Variants in FBLN2 observed in about 807,000 individuals in gnomAD.
FBLN2 encodes the protein fibulin 2, also known as fibulin-2.
Under a neutral mutation model 123.7 loss-of-function variants are expected in FBLN2, and 81 were observed. The ratio of observed to expected loss-of-function variants is 0.65; its 90% CI spans 0.55 to 0.79. FBLN2 has a LOEUF of 0.79. Among genes scored for constraint, FBLN2 ranks in the 30% least tolerant of loss-of-function variants. The pLI is 0.00. For synonymous variants in FBLN2, 699 were observed against 701.4 expected (o/e 1.00, Z 0.05); for missense variants, 1,603 against 1,681.3 (o/e 0.95, Z 0.81).
rs1706517867 is a variant in FBLN2 at position 13,637,508 on chromosome 3, T to A, written c.3339-54T>A. 3.4e-6 allele frequency: 5 copies of A among 1,472,624 alleles called. No homozygotes were observed. In the South Asian group the frequency reaches 6.5e-5, roughly 19 times the overall value. 91.2% of individuals were successfully genotyped at this position (1,472,624 alleles called of 1,614,324 possible). ...GAGCTGTGCCATCTGTGTCCCCGTCTGGGGATGAGGGGGGTGGGCGAGCTG... is the reference window on the plus strand; with the variant it reads ...GAGCTGTGCCATCTGTGTCCCCGTCAGGGGATGAGGGGGGTGGGCGAGCTG... On this transcript the variant is annotated intron_variant, in intron 17 of 17. Coordinates refer to ENST00000404922, the MANE Select transcript of FBLN2 (RefSeq NM_001004019.2).
At chr3:13,563,834 A>G (rs1402993001) in intron 1 of FBLN2, among the ~76,000 whole-genome samples, 1 of 152,148 alleles carries the variant, frequency 6.6e-6, no homozygotes, top group Non-Finnish European at 1.5e-5. Flanking sequence ...CCAGGAAACC[A>G]AGCTATTCTG....
chr3:13,564,051 G>T lies in FBLN2; in HGVS notation c.-41-6264G>T, dbSNP rs944375400. Among the ~76,000 whole-genome samples the T allele has an allele frequency of 5.3e-5, 8 of 152,330 alleles. No individual in the cohort carries two copies. In the East Asian group the frequency reaches 1.5e-3, roughly 29 times the overall value. On this transcript the variant is annotated intron_variant, in intron 1 of 17. Transcript: ENST00000404922. ...CCTGTTGCTGGGCCCCACAGCTTCA[G>T]TGTCAAGTGTCCTGACATTAAATGT...
intron 17 of FBLN2, 71 bp downstream of exon 17, chr3:13,636,639 A>C: frequency 6.5e-7 from 1 of 1,535,712 alleles, no homozygotes; most frequent in Non-Finnish European, 8.8e-7. Flanking sequence ...GGAGAGGCTG[A>C]GAGATGGGCG....
chr3:13,612,632 C>T (rs907552839), intron 4 of FBLN2, among the ~76,000 whole-genome samples: 13 of 152,118 alleles, frequency 8.5e-5, no homozygotes, highest in East Asian at 1.9e-4. Context: ...CCACCCACCT[C>T]GGCCTCCCAA....
chr3:13,614,926 AT>A (rs1182799114), intron 5 of FBLN2, among the ~76,000 whole-genome samples: 11 of 148,750 alleles, frequency 7.4e-5, no homozygotes, highest in South Asian at 6.4e-4. Context: ...CCATCCATCC[AT>A]CCATCCATCC....
rs1704031877 is a variant in FBLN2, at chr3:13,573,541, G to A, written c.1306+1880G>A. Among the ~76,000 whole-genome samples, 4 of 152,110 alleles carry A rather than the reference G, an allele frequency of 2.6e-5. No homozygotes were observed. In the South Asian group the frequency reaches 8.3e-4, roughly 32 times the overall value. On this transcript the variant is annotated intron_variant, in intron 2 of 17. Transcript: ENST00000404922. ...CTCCCCAAGGTCAGGGTCTCTGCTGGGTTTTGTGAACCCTGTACATTCAGC... is the reference window on the plus strand; with the variant it reads ...CTCCCCAAGGTCAGGGTCTCTGCTGAGTTTTGTGAACCCTGTACATTCAGC...
chr3:13,622,976 A>G (rs1368672967), intron 9 of FBLN2, among the ~76,000 whole-genome samples: 1 of 152,210 alleles, frequency 6.6e-6, no homozygotes, highest in African/African-American at 2.4e-5. Flanking sequence ...ATCAGAACCT[A>G]GTGCGTTCAG....
chr3:13,626,640 C>T (rs2124904109), intron 10 of FBLN2, 61 bp downstream of exon 10: 1 of 1,475,822 alleles, frequency 6.8e-7, no homozygotes, highest in South Asian at 1.4e-5. Context: ...TTGCCCCGCC[C>T]CTCCCTGGTC....
chr3:13,611,280 A>G (rs1342506745), intron 4 of FBLN2, among the ~76,000 whole-genome samples: 3 of 152,208 alleles, frequency 2.0e-5, no homozygotes, highest in Non-Finnish European at 4.4e-5. Context: ...AATACACATG[A>G]TGTAAAATTG....
At chr3:13,595,768 C>T (rs1041574223) in intron 2 of FBLN2, among the ~76,000 whole-genome samples, 2 of 152,192 alleles carry the variant, frequency 1.3e-5, no homozygotes, top group African/African-American at 4.8e-5. Context: ...GACCTCTGCA[C>T]TGGATTGTTC....
At chr3:13,571,827 G>A (rs1194335952) in intron 2 of FBLN2, among the ~76,000 whole-genome samples, 166 bp downstream of exon 2, 1 of 142,688 alleles carries the variant, frequency 7.0e-6, no homozygotes, top group Non-Finnish European at 1.5e-5. Flanking sequence ...CTGTGAGAGT[G>A]CATCTTCTCC....
intron 4 of FBLN2, among the ~76,000 whole-genome samples, chr3:13,612,583 G>A (rs1455494779): frequency 1.3e-5 from 2 of 150,384 alleles, no homozygotes; most frequent in East Asian, 3.9e-4. Flanking sequence ...GGGTTTCACT[G>A]TTTTAGCCAG....
intron 4 of FBLN2, 33 bp downstream of exon 4, chr3:13,609,675 G>A: frequency 6.5e-7 from 1 of 1,530,040 alleles, no homozygotes; most frequent in Non-Finnish European, 8.8e-7. Flanking sequence ...AAGGCAGGGT[G>A]GGGTGGGGCG....
Position 13,628,931 on chromosome 3 carries a change from G to T in FBLN2, c.2596G>T (p.Glu866Ter). 6.2e-7 allele frequency: 1 copy of T among 1,613,436 alleles called. No homozygotes were observed. The highest frequency in any genetic ancestry group is 8.5e-7 in the Non-Finnish European group (1 of 1,179,720). ...VDINECTSLSEPCRPGFSCIN... is the reference protein window; with the variant it reads ...VDINECTSLS ...CATCAACGAGTGCACGTCACTGTCC[G>T]AGCCATGTCGGCCAGGCTTCAGCTG... Residue 866 changes from glutamate (E) to a stop codon, truncating the protein, a stop_gained, in exon 12 of 18, where the codon GAG (glutamate) becomes TAG (stop). Transcript: ENST00000404922. LOFTEE classifies it high-confidence loss of function.
At chr3:13,575,484 T>C (rs116082782) in intron 2 of FBLN2, among the ~76,000 whole-genome samples, 2,033 of 151,968 alleles carry the variant, frequency 0.013, 53 homozygotes, top group African/African-American at 0.047. Flanking sequence ...GTTTGCTGGG[T>C]CCCCTGCCAG....
intron 1 of FBLN2, among the ~76,000 whole-genome samples, chr3:13,567,283 G>A (rs966921398): frequency 9.9e-5 from 15 of 152,208 alleles, no homozygotes; most frequent in African/African-American, 3.4e-4. Context: ...TGTCCTCTCA[G>A]GACACAACGT....
chr3:13,564,854 T>C (rs1227318160), intron 1 of FBLN2, among the ~76,000 whole-genome samples: 1 of 152,256 alleles, frequency 6.6e-6, no homozygotes, highest in Non-Finnish European at 1.5e-5. Context: ...GAGGCAGTGT[T>C]GCTTTACTAT....
chr3:13,637,934 C>G lies in FBLN2; in HGVS notation c.*15C>G. ...TTGCCCTGTGAGGTGCCAGCACGGG[C>G]CACCTGCGGGTGTGGCGCAGCCCAG... On this transcript the variant is annotated 3_prime_UTR_variant, in exon 18 of 18. Coordinates refer to ENST00000404922, the MANE Select transcript of FBLN2 (RefSeq NM_001004019.2). The G allele has an allele frequency of 6.4e-7, 1 of 1,561,950 alleles. No individual in the cohort carries two copies. The highest frequency in any genetic ancestry group is 1.2e-5 in the South Asian group (1 of 82,726).
chr3:13,577,643 C>T (rs956967064), intron 2 of FBLN2, among the ~76,000 whole-genome samples: 2 of 152,208 alleles, frequency 1.3e-5, no homozygotes, highest in Non-Finnish European at 2.9e-5. Context: ...GGGAACACAT[C>T]CTCTCTGTTG....
Sources: gnomAD v4.1 joint callset for allele counts (sites outside exome capture counted in the v4.1 genomes callset) on GRCh38, gnomAD v4.1.1 for gene constraint, MANE v1.5 for transcripts, NCBI Gene and HGNC (gene_info 2026-07-23, HGNC 2026-07-21) for gene names.